The following ZHX3 variants were observed in gnomAD, a reference collection of about 807,000 sequenced individuals.
The protein encoded by ZHX3 is zinc fingers and homeoboxes protein 3.
In ZHX3, 20 loss-of-function variants were observed where a neutral mutation model predicts 64.5. That is an observed-to-expected ratio of 0.31 (90% CI 0.22 to 0.45). ZHX3 has a LOEUF of 0.45. ZHX3 is among the 20% of genes least tolerant of loss of function. The probability of loss-of-function intolerance (pLI) is 1.00; values close to 1 mark genes in which losing one functional copy is unlikely to be tolerated. For synonymous variants in ZHX3, 423 were observed against 461.6 expected (o/e 0.92, Z 1.07); for missense variants, 1,041 against 1,195.8 (o/e 0.87, Z 1.91).
Position 41,204,068 on chromosome 20 carries a change from T to A in ZHX3, c.849A>T (p.Gln283His). Reference sequence around the variant, plus strand: ...TGGGCAGTGGCTGGTGGACATGGTGTTGGGCATGCACTGGGGGCTGCTGCT... The same window carrying A: ...TGGGCAGTGGCTGGTGGACATGGTGATGGGCATGCACTGGGGGCTGCTGCT... The part of the protein sequence containing the change: ...SLQQQPPVHA[Q>H]HHVHQPLPTA... The change falls in exon 3 of 4, where the codon CAA becomes CAT. Residue 283 changes from glutamine to histidine, a missense_variant. By Grantham distance (24) the Gln-to-His change is conservative (BLOSUM62 0). Coordinates refer to ENST00000683867, the MANE Select transcript of ZHX3 (RefSeq NM_001384317.1). This position sits in a 1 kb window ranked among gnomAD's most constrained non-coding sequence, Gnocchi z 6.6. The A allele has an allele frequency of 1.9e-6, 3 of 1,612,420 alleles. No homozygotes were observed. Among genetic ancestry groups the A allele is most frequent in the Non-Finnish European group, 2.5e-6 (3 of 1,179,104 alleles).
chr20:41,301,719 C>T (rs1678319919), intron 1 of ZHX3, among the ~76,000 whole-genome samples: 1 of 152,106 alleles, frequency 6.6e-6, no homozygotes, highest in African/African-American at 2.4e-5. Flanking sequence ...CCAAAATCAC[C>T]TCCCATCCAG....
chr20:41,273,592 A>G (rs1298194225), intron 1 of ZHX3, among the ~76,000 whole-genome samples: 3 of 152,120 alleles, frequency 2.0e-5, no homozygotes, highest in Non-Finnish European at 4.4e-5. Flanking sequence ...TTGTACCTGC[A>G]CCATTTGTTA....
intron 2 of ZHX3, among the ~76,000 whole-genome samples, chr20:41,237,985 A>T (rs938104589): frequency 6.6e-6 from 1 of 152,156 alleles, no homozygotes; most frequent in African/African-American, 2.4e-5. Context: ...GAACTATAAG[A>T]TCTTTGAGGT....
Position 41,196,298 on chromosome 20 carries a change from TA to T in ZHX3, c.2860+5758del, listed in dbSNP as rs544674505. ...TATATAATATATATAAATAAATATA[TA>T]AAAATAAATATATATTTATAATAAA... On this transcript the variant is annotated intron_variant, in intron 3 of 3. Transcript: ENST00000683867. Among the ~76,000 whole-genome samples the T allele has an allele frequency of 6.9e-3, 847 of 122,444 alleles. 7 individuals are homozygous for T. Among genetic ancestry groups the T allele is most frequent in the African/African-American group, 0.025 (806 of 32,296 alleles). The allele number at this position is 122,444 out of a possible 152,430, so 80.3% of individuals were successfully genotyped here. A position where few individuals can be genotyped will look rare whatever the true frequency, so the allele number is the denominator to read the frequency against.
chr20:41,251,016 A>G (rs6102323), intron 2 of ZHX3, among the ~76,000 whole-genome samples: 3,384 of 152,284 alleles, frequency 0.022, 115 homozygotes, highest in African/African-American at 0.076. Flanking sequence ...ATAAAATTAA[A>G]AAATAAAACC....
chr20:41,281,182 T>C lies in ZHX3; in HGVS notation c.-244-12099A>G, dbSNP rs570464635. Among the ~76,000 whole-genome samples the C allele has an allele frequency of 9.9e-4, 151 of 152,316 alleles. 1 individual carries two copies. The highest frequency in any genetic ancestry group is 1.6e-3 in the Admixed American group (25 of 15,302). ...GGATGCTAAAACACAAATGAAGCAA[T>C]TTCTACAAAGTTTAAAAGGAAAAAT... On this transcript the variant is annotated intron_variant, in intron 1 of 3. Coordinates refer to ENST00000683867, the MANE Select transcript of ZHX3 (RefSeq NM_001384317.1).
chr20:41,313,155 TA>T (rs1199273967), intron 1 of ZHX3, among the ~76,000 whole-genome samples: 59 of 152,060 alleles, frequency 3.9e-4, no homozygotes, highest in African/African-American at 1.4e-3. Context: ...TAGACAGTAC[TA>T]ACTAACAGTG....
chr20:41,215,770 T>TAAAA (rs55922605), intron 2 of ZHX3, among the ~76,000 whole-genome samples: 9 of 101,122 alleles, frequency 8.9e-5, no homozygotes, highest in East Asian at 2.7e-4. Flanking sequence ...ACGTCTCTAC[T>TAAAA]AAAAAAAAAA....
intron 1 of ZHX3, among the ~76,000 whole-genome samples, chr20:41,283,333 A>G (rs543701170): frequency 1.1e-3 from 164 of 152,294 alleles, no homozygotes; most frequent in Admixed American, 3.1e-3. Flanking sequence ...AGAGCTTCCC[A>G]AAGTCCATAA....
At chr20:41,314,528 T>C (rs1001692777) in intron 1 of ZHX3, among the ~76,000 whole-genome samples, 1 of 152,330 alleles carries the variant, frequency 6.6e-6, no homozygotes, top group South Asian at 2.1e-4. Context: ...AACTACCAAA[T>C]TGAAATCACA....
intron 1 of ZHX3, among the ~76,000 whole-genome samples, chr20:41,287,045 G>A (rs891822607): frequency 1.3e-5 from 2 of 152,164 alleles, no homozygotes; most frequent in Non-Finnish European, 2.9e-5. Flanking sequence ...CCAGTCTCAG[G>A]TAGTATCTTT....
intron 1 of ZHX3, among the ~76,000 whole-genome samples, chr20:41,294,152 G>A (rs1403558213): frequency 6.6e-6 from 1 of 152,186 alleles, no homozygotes; most frequent in African/African-American, 2.4e-5. Flanking sequence ...GGGACTAACA[G>A]GCCAATGCTA....
At chr20:41,211,709 T>A (rs1227745910) in intron 2 of ZHX3, among the ~76,000 whole-genome samples, 1 of 152,216 alleles carries the variant, frequency 6.6e-6, no homozygotes, top group African/African-American at 2.4e-5. Flanking sequence ...GAATTTGACT[T>A]ATCCACCCCT....
At chr20:41,222,529 G>A (rs1431060128) in intron 2 of ZHX3, among the ~76,000 whole-genome samples, 1 of 152,112 alleles carries the variant, frequency 6.6e-6, no homozygotes, top group Non-Finnish European at 1.5e-5. Flanking sequence ...AAAGACTCTG[G>A]TCTTTGCCAA....
chr20:41,291,321 C>T (rs1054341319), intron 1 of ZHX3, among the ~76,000 whole-genome samples: 1 of 152,140 alleles, frequency 6.6e-6, no homozygotes, highest in Admixed American at 6.5e-5. Context: ...ATGAGAAATG[C>T]TGCCAGAGAA....
intron 2 of ZHX3, among the ~76,000 whole-genome samples, chr20:41,209,826 A>G (rs2039019319): frequency 6.6e-6 from 1 of 152,208 alleles, no homozygotes; most frequent in African/African-American, 2.4e-5. Flanking sequence ...AATGGCAACA[A>G]AAGACAAAAT....
At chr20:41,303,572 T>G (rs1406635978) in intron 1 of ZHX3, among the ~76,000 whole-genome samples, 1 of 152,188 alleles carries the variant, frequency 6.6e-6, no homozygotes, top group Non-Finnish European at 1.5e-5. Flanking sequence ...GCCCCTTGCC[T>G]TCTATAGACT....
intron 2 of ZHX3, among the ~76,000 whole-genome samples, chr20:41,214,254 T>A (rs1286642001): frequency 6.6e-6 from 1 of 152,170 alleles, no homozygotes; most frequent in Non-Finnish European, 1.5e-5. Context: ...TGTTTCATAT[T>A]GTTGGAAGTG....
At chr20:41,196,432 A>T (rs12329449) in intron 3 of ZHX3, among the ~76,000 whole-genome samples, 2 of 43,350 alleles carry the variant, frequency 4.6e-5, no homozygotes, top group Non-Finnish European at 7.7e-5. Context: ...ATATTTATAT[A>T]AATATATATA....
Sources: allele counts gnomAD v4.1 joint callset (sites outside exome capture counted in the v4.1 genomes callset), GRCh38; gene constraint gnomAD v4.1.1; non-coding constraint Gnocchi (gnomAD v3.1); transcripts MANE v1.5; gene names NCBI Gene and HGNC (gene_info 2026-07-23, HGNC 2026-07-21).